Variants in CADM2 observed in about 807,000 individuals in gnomAD.
CADM2 encodes the protein cell adhesion molecule 2.
In CADM2, 12 loss-of-function variants were observed where a neutral mutation model predicts 49.8. The observed-to-expected ratio is 0.24, with a 90% CI of 0.15 to 0.39. CADM2 has a LOEUF of 0.39. Ranked by LOEUF, CADM2 falls within the 10% of genes least tolerant of loss-of-function variation. The probability of loss-of-function intolerance (pLI) is 1.00; values close to 1 mark genes in which losing one functional copy is unlikely to be tolerated. For synonymous variants in CADM2, 214 were observed against 175.4 expected, an observed-to-expected ratio of 1.22 and a Z score of -1.74; for missense variants, 378 against 492.3, an observed-to-expected ratio of 0.77 and a Z score of 2.20.
intron 2 of CADM2, among the ~76,000 whole-genome samples, chr3:85,801,812 CA>C (rs1420609333): frequency 1.3e-5 from 2 of 151,946 alleles, no homozygotes; most frequent in East Asian, 1.9e-4. Flanking sequence ...ATGCCTAGGA[CA>C]AAAAAAGTTT....
At chr3:85,116,282 C>T (rs2038634573) in intron 1 of CADM2, among the ~76,000 whole-genome samples, 2 of 152,208 alleles carry the variant, frequency 1.3e-5, no homozygotes, top group South Asian at 4.1e-4. Context: ...GACAACATCA[C>T]TGCATTGCTC....
chr3:85,622,570 T>G (rs993231681), intron 1 of CADM2, among the ~76,000 whole-genome samples: 1 of 152,146 alleles, frequency 6.6e-6, no homozygotes, highest in African/African-American at 2.4e-5. Flanking sequence ...TACAAGATCT[T>G]TTAGCAGATC....
At chr3:85,030,266 T>G (rs544813388) in intron 1 of CADM2, among the ~76,000 whole-genome samples, 4 of 152,320 alleles carry the variant, frequency 2.6e-5, no homozygotes, top group African/African-American at 9.6e-5. Flanking sequence ...TCTTTTGTTA[T>G]GTAACCTAGA....
intron 3 of CADM2, among the ~76,000 whole-genome samples, chr3:85,871,741 C>T (rs571183455): frequency 1.3e-5 from 2 of 152,202 alleles, no homozygotes; most frequent in South Asian, 4.1e-4. Flanking sequence ...GATTTTTCCT[C>T]TATGTGATGA....
intron 1 of CADM2, among the ~76,000 whole-genome samples, chr3:84,982,737 A>AAG (rs1270257160): frequency 8.7e-6 from 1 of 115,378 alleles, no homozygotes; most frequent in East Asian, 2.3e-4. Context: ...ATATATATAC[A>AAG]TTTTTTGTTT....
At chr3:85,545,226 A>G (rs1422800335) in intron 1 of CADM2, among the ~76,000 whole-genome samples, 2 of 152,216 alleles carry the variant, frequency 1.3e-5, no homozygotes, top group Non-Finnish European at 2.9e-5. Context: ...TACAGGAAAC[A>G]TTAATTAAAC....
chr3:85,335,145 T>TATA (rs2045044031), intron 1 of CADM2, among the ~76,000 whole-genome samples: 2 of 151,686 alleles, frequency 1.3e-5, no homozygotes, highest in South Asian at 4.1e-4. Flanking sequence ...CAAAATATTT[T>TATA]ATAATTTCTA....
intron 7 of CADM2, among the ~76,000 whole-genome samples, chr3:85,937,786 G>A (rs9850482): frequency 0.7 from 105,860 of 151,726 alleles, 38,537 homozygotes; most frequent in African/African-American, 0.92. Flanking sequence ...CAAACTAGTC[G>A]TTTCTGGCAT....
In CADM2 at chr3:86,065,491, T is replaced by G. The variant is rs555754416; in HGVS notation, c.971-114T>G. 69 of 1,044,696 alleles carry G rather than the reference T, an allele frequency of 6.6e-5. No homozygotes were observed. The African/African-American group carries it at 1.1e-3, about 16-fold the overall frequency. The allele number at this position is 1,044,696 out of a possible 1,614,324, so 64.7% of individuals were successfully genotyped here. A position where few individuals can be genotyped will look rare whatever the true frequency, so the allele number is the denominator to read the frequency against. On this transcript the variant is annotated intron_variant, in intron 8 of 9. Transcript: ENST00000383699. ...GGATGACTGGTGTAATGCACGTTAA[T>G]GTATTATTTAACAGAAATTGTGTTA...
intron 1 of CADM2, among the ~76,000 whole-genome samples, chr3:85,366,921 A>C (rs1256773531): frequency 6.6e-6 from 1 of 152,072 alleles, no homozygotes; most frequent in Non-Finnish European, 1.5e-5. Flanking sequence ...CTCTTATTTG[A>C]AATGAACATT....
At chr3:85,191,332 G>A (rs1160336183) in intron 1 of CADM2, among the ~76,000 whole-genome samples, 1 of 151,762 alleles carries the variant, frequency 6.6e-6, no homozygotes. Context: ...AATATATATT[G>A]CTTATAATAA....
At chr3:85,398,289 C>A (rs575389614) in intron 1 of CADM2, among the ~76,000 whole-genome samples, 1 of 151,960 alleles carries the variant, frequency 6.6e-6, no homozygotes, top group East Asian at 2.0e-4. Context: ...AGTTTGCTGA[C>A]AATGATGGTT....
rs139903735 is a variant in CADM2 at position 85,666,884 on chromosome 3, T to C, written c.62-59638T>C. Among the ~76,000 whole-genome samples, 519 of 152,066 alleles carry C rather than the reference T, an allele frequency of 3.4e-3. 2 individuals carry two copies. The highest frequency in any genetic ancestry group is 5.3e-3 in the Non-Finnish European group (361 of 67,916). On this transcript the variant is annotated intron_variant, in intron 1 of 9. Transcript: ENST00000383699. ...AGTGTTTCCTGCACGCCATCACCAG[T>C]TAAGGGATGTCATAGTTTTCCAAGC...
chr3:85,916,918 G>A (rs1718416132), intron 6 of CADM2, among the ~76,000 whole-genome samples: 1 of 152,206 alleles, frequency 6.6e-6, no homozygotes, highest in African/African-American at 2.4e-5. Context: ...TTCTCTGATG[G>A]CCAGTGATGA....
intron 1 of CADM2, among the ~76,000 whole-genome samples, chr3:85,449,559 G>GTTT (rs33948520): frequency 6.3e-4 from 94 of 148,606 alleles, no homozygotes; most frequent in Middle Eastern, 3.5e-3. Flanking sequence ...GAAATATAAG[G>GTTT]TTTTTTTTTT....
intron 1 of CADM2, among the ~76,000 whole-genome samples, chr3:85,655,941 G>T (rs2065183180): frequency 6.6e-6 from 1 of 151,312 alleles, no homozygotes; most frequent in African/African-American, 2.4e-5. Context: ...TCATAGAGCA[G>T]AAGCCTCCTG....
At chr3:85,612,520 T>C (rs1355243406) in intron 1 of CADM2, among the ~76,000 whole-genome samples, 2 of 151,896 alleles carry the variant, frequency 1.3e-5, no homozygotes, top group Non-Finnish European at 2.9e-5. Context: ...TTTGCACGTT[T>C]GGAATCATTC....
chr3:85,491,856 A>G (rs1020614295), intron 1 of CADM2, among the ~76,000 whole-genome samples: 27 of 151,734 alleles, frequency 1.8e-4, no homozygotes, highest in African/African-American at 6.3e-4. Flanking sequence ...GGAGGCTGAG[A>G]CAGGAGAATG....
rs113613953 is a variant in CADM2, at chr3:86,048,426, A to G, written c.971-17179A>G. Reference sequence around the variant, plus strand: ...CTAATGAGAAATATTCAGGTAAATCACATACCTACTCTGAAATGACTTCCA... The same window carrying G: ...CTAATGAGAAATATTCAGGTAAATCGCATACCTACTCTGAAATGACTTCCA... On this transcript the variant is annotated intron_variant, in intron 8 of 9. Coordinates refer to ENST00000383699, the MANE Select transcript of CADM2 (RefSeq NM_001167675.2). 6.4e-3 allele frequency among the ~76,000 whole-genome samples: 968 copies of G among 152,164 alleles called. 4 individuals are homozygous for G. Among genetic ancestry groups the G allele is most frequent in the Admixed American group, 0.011 (162 of 15,282 alleles).
Sources: allele counts gnomAD v4.1 joint callset (sites outside exome capture counted in the v4.1 genomes callset), GRCh38; gene constraint gnomAD v4.1.1; transcripts MANE v1.5; gene names NCBI Gene and HGNC (gene_info 2026-07-23, HGNC 2026-07-21).